Variants in COX16 observed in about 807,000 individuals in gnomAD.
The protein encoded by COX16 is cytochrome c oxidase assembly protein COX16 homolog, mitochondrial.
In COX16, 12 loss-of-function variants were observed where a neutral mutation model predicts 15.4. That is an observed-to-expected ratio of 0.78 (90% CI 0.50 to 1.26). COX16 has a LOEUF of 1.26. Among genes scored for constraint, COX16 ranks in the 50% most tolerant of loss-of-function variants. The pLI, the probability that COX16 is intolerant of heterozygous loss-of-function variation, is 0.00. For synonymous variants in COX16, 46 were observed against 41.1 expected, an observed-to-expected ratio of 1.12 and a Z score of -0.46; for missense variants, 124 against 127.6, an observed-to-expected ratio of 0.97 and a Z score of 0.14.
intron 2 of COX16, among the ~76,000 whole-genome samples, chr14:70,339,112 A>G (rs905622525): frequency 2.6e-5 from 4 of 152,202 alleles, no homozygotes; most frequent in African/African-American, 9.6e-5. Flanking sequence ...GTTACAAAGC[A>G]CAACAGGCAG....
At chr14:70,359,435 A>C in intron 1 of COX16, 84 bp downstream of exon 1, 1 of 1,288,014 alleles carries the variant, frequency 7.8e-7, no homozygotes, top group Non-Finnish European at 1.1e-6. Flanking sequence ...TTAACTTCAC[A>C]TTTTACAGAT....
chr14:70,350,341 T>A (rs1052068109), intron 1 of COX16, among the ~76,000 whole-genome samples: 1 of 152,180 alleles, frequency 6.6e-6, no homozygotes, highest in Non-Finnish European at 1.5e-5. Flanking sequence ...AAAACTTTCG[T>A]CCCGTCCTCA....
intron 1 of COX16, among the ~76,000 whole-genome samples, chr14:70,346,926 C>G (rs139264843): frequency 6.6e-6 from 1 of 152,066 alleles, no homozygotes; most frequent in Non-Finnish European, 1.5e-5. Context: ...TAGTACCCAA[C>G]GCATCAACCC....
intron 1 of COX16, among the ~76,000 whole-genome samples, chr14:70,354,325 T>G (rs1887059670): frequency 6.6e-6 from 1 of 152,200 alleles, no homozygotes; most frequent in Non-Finnish European, 1.5e-5. Context: ...TGTTTCAGTT[T>G]CAATGAAAAG....
intron 1 of COX16, among the ~76,000 whole-genome samples, chr14:70,357,158 CAAAAAAAAAAAAAAAAAAAAA>C (rs4048531): frequency 1.3e-5 from 1 of 78,700 alleles, no homozygotes; most frequent in African/African-American, 4.8e-5. Flanking sequence ...AAGCGTTTGT[CAAAAAAAAAAAAAAAAAAAAA>C]AAAAAAAAAA....
intron 1 of COX16, among the ~76,000 whole-genome samples, chr14:70,357,158 CAAAAAAAAAAAAAA>C (rs4048531): frequency 1.1e-4 from 9 of 78,704 alleles, no homozygotes; most frequent in Admixed American, 4.9e-4. Flanking sequence ...AAGCGTTTGT[CAAAAAAAAAAAAAA>C]AAAAAAAAAA....
In COX16 at chr14:70,325,175, G is replaced by A. The variant is rs1886027184; in HGVS notation, c.*1158C>T. ...GGGGGAGTGGATTTATGATTTTATGGCAATTATAACAGGAGTGTTTCAATG... is the reference window on the plus strand; with the variant it reads ...GGGGGAGTGGATTTATGATTTTATGACAATTATAACAGGAGTGTTTCAATG... On this transcript the variant is annotated 3_prime_UTR_variant, in exon 4 of 4. Transcript: ENST00000389912. The A allele has an allele frequency of 6.6e-6, 1 of 152,138 alleles. No homozygotes were observed. Among genetic ancestry groups the A allele is most frequent in the South Asian group, 2.1e-4 (1 of 4,826 alleles). 9.4% of individuals were successfully genotyped at this position (152,138 alleles called of 1,614,324 possible).
rs1479685476 is a variant in COX16 at position 70,359,295 on chromosome 14, G to C, written c.69+224C>G. 9.5e-6 allele frequency: 6 copies of C among 634,130 alleles called. No individual in the cohort carries two copies. In the African/African-American group the frequency reaches 1.1e-4, roughly 11 times the overall value. The allele number at this position is 634,130 out of a possible 1,614,324, so 39.3% of individuals were successfully genotyped here. Reference sequence around the variant, plus strand: ...CACGCTCACAAGCAGACAGATCCTAGTACACCTGAAATCCAACCGGGAGTG... The same window carrying C: ...CACGCTCACAAGCAGACAGATCCTACTACACCTGAAATCCAACCGGGAGTG... On this transcript the variant is annotated intron_variant, in intron 1 of 3. Transcript: ENST00000389912.
chr14:70,342,770 C>T, intron 1 of COX16, 41 bp from the exon 2 acceptor site: 1 of 1,598,738 alleles, frequency 6.3e-7, no homozygotes, highest in South Asian at 1.1e-5. Context: ...AACAGAAGAC[C>T]AGAATTCAAA....
Position 70,326,117 on chromosome 14 carries a change from G to A in COX16, c.*216C>T, listed in dbSNP as rs1472011793. ...TTATTTCGAGGTGTAAAATATACGT[G>A]GCCAACATTGTTACTTTCATCCACA... On this transcript the variant is annotated 3_prime_UTR_variant, in exon 4 of 4. Coordinates refer to ENST00000389912, the MANE Select transcript of COX16 (RefSeq NM_016468.7). The A allele has an allele frequency of 3.4e-6, 1 of 297,078 alleles. No homozygotes were observed. The highest frequency in any genetic ancestry group is 6.0e-6 in the Non-Finnish European group (1 of 165,874). The allele number at this position is 297,078 out of a possible 1,614,324, so 18.4% of individuals were successfully genotyped here.
intron 2 of COX16, among the ~76,000 whole-genome samples, chr14:70,341,864 A>AGT (rs148962219): frequency 6.6e-6 from 1 of 151,786 alleles, no homozygotes; most frequent in Non-Finnish European, 1.5e-5. Context: ...TGTGTGTGTG[A>AGT]GTGTGTGTGT....
At chr14:70,354,841 CGTGTGT>C (rs55646280) in intron 1 of COX16, among the ~76,000 whole-genome samples, 14 of 148,978 alleles carry the variant, frequency 9.4e-5, no homozygotes, top group Middle Eastern at 3.4e-3. Flanking sequence ...TGTGTGTGTG[CGTGTGT>C]GTGTGTGTGT....
At chr14:70,342,012 ATAT>A (rs1452818613) in intron 2 of COX16, among the ~76,000 whole-genome samples, 1 of 152,224 alleles carries the variant, frequency 6.6e-6, no homozygotes, top group Non-Finnish European at 1.5e-5. Context: ...ACTGATATTA[ATAT>A]TAAATTAAGA....
At chr14:70,347,011 C>G (rs1032399632) in intron 1 of COX16, among the ~76,000 whole-genome samples, 1 of 152,190 alleles carries the variant, frequency 6.6e-6, no homozygotes, top group East Asian at 1.9e-4. Context: ...TACCTTATCC[C>G]CCATCCGTAG....
Position 70,344,122 on chromosome 14 carries a change from A to C in COX16, c.70-1393T>G, listed in dbSNP as rs565376780. On this transcript the variant is annotated intron_variant, in intron 1 of 3. Coordinates refer to ENST00000389912, the MANE Select transcript of COX16 (RefSeq NM_016468.7). ...CTGGGTAATGTCAGCTGATCCATCC[A>C]GTGCAGGGTCTGCAAAATATCTCAA... Among the ~76,000 whole-genome samples the C allele has an allele frequency of 1.6e-3, 251 of 152,336 alleles. 1 individual carries two copies. Among genetic ancestry groups the C allele is most frequent in the African/African-American group, 5.8e-3 (243 of 41,580 alleles).
intron 2 of COX16, among the ~76,000 whole-genome samples, chr14:70,338,304 G>A (rs1486819822): frequency 6.6e-6 from 1 of 152,132 alleles, no homozygotes; most frequent in East Asian, 1.9e-4. Context: ...GCAGAGATGA[G>A]GCTTCACCAT....
chr14:70,341,033 C>G (rs1388718315), intron 2 of COX16, among the ~76,000 whole-genome samples: 1 of 152,046 alleles, frequency 6.6e-6, no homozygotes, highest in African/African-American at 2.4e-5. Context: ...CTTGCAGCAT[C>G]TAACAAGTAT....
At chr14:70,357,158 C>CAAAAAAAAAAAAAAAAA (rs4048531) in intron 1 of COX16, among the ~76,000 whole-genome samples, 1 of 78,698 alleles carries the variant, frequency 1.3e-5, no homozygotes, top group Non-Finnish European at 2.4e-5. Flanking sequence ...AAGCGTTTGT[C>CAAAAAAAAAAAAAAAAA]AAAAAAAAAA....
chr14:70,329,196 AT>A lies in COX16; in HGVS notation c.181del (p.Ile61TyrfsTer3). On this transcript the variant is annotated frameshift_variant, in exon 3 of 4. Transcript: ENST00000389912. LOFTEE classifies it high-confidence loss of function. ...ELEKKLKENK[I>X]SLESEYEKIK... ...TACCTCATATTCCGACTCTAAAGATATTTTATTCTCTTTCAGTTTTTTTTCA... is the reference window on the plus strand; with the variant it reads ...TACCTCATATTCCGACTCTAAAGATATTTATTCTCTTTCAGTTTTTTTTCA... 6.2e-7 allele frequency: 1 copy of A among 1,608,298 alleles called. No homozygotes were observed. The highest frequency in any genetic ancestry group is 8.5e-7 in the Non-Finnish European group (1 of 1,176,944).
Sources: gnomAD v4.1 joint callset for allele counts (sites outside exome capture counted in the v4.1 genomes callset) on GRCh38, gnomAD v4.1.1 for gene constraint, MANE v1.5 for transcripts, NCBI Gene and HGNC (gene_info 2026-07-23, HGNC 2026-07-21) for gene names.